Variants in STXBP4 observed in about 807,000 individuals in gnomAD.
STXBP4 encodes syntaxin-binding protein 4.
STXBP4 carries 55 observed loss-of-function variants against 76.1 expected under a neutral mutation model. The ratio of observed to expected loss-of-function variants is 0.72; its 90% confidence interval spans 0.58 to 0.91. The LOEUF is 0.91. Among genes scored for constraint, STXBP4 ranks in the 40% least tolerant of loss-of-function variants. The pLI, the probability that STXBP4 is intolerant of heterozygous loss-of-function variation, is 0.00. For synonymous variants in STXBP4, 201 were observed against 220.2 expected (o/e 0.91, Z 0.77); for missense variants, 618 against 636.9 (o/e 0.97, Z 0.32).
chr17:54,986,788 C>G (rs182536446), intron 3 of STXBP4, among the ~76,000 whole-genome samples: 1 of 152,160 alleles, frequency 6.6e-6, no homozygotes, highest in African/African-American at 2.4e-5. Context: ...TAACAAACCA[C>G]CCTAAAATCC....
At chr17:55,043,376 G>GA in intron 11 of STXBP4, 51 bp downstream of exon 11, 3 of 1,140,592 alleles carry the variant, frequency 2.6e-6, no homozygotes, top group East Asian at 2.8e-5. Flanking sequence ...AAAAGAAAAA[G>GA]AAAAAAATCC....
Position 55,073,077 on chromosome 17 carries a change from G to T in STXBP4, c.1188+1G>T, listed in dbSNP as rs749887622. On this transcript the variant is annotated splice_donor_variant, in intron 13 of 17. Coordinates refer to ENST00000376352, the MANE Select transcript of STXBP4 (RefSeq NM_178509.6). LOFTEE classifies it high-confidence loss of function. ...TGCTGATTATTCTGACCAAAATAAAGTAAGCAAAGCAGTCATCTCTTCCAG... is the reference window on the plus strand; with the variant it reads ...TGCTGATTATTCTGACCAAAATAAATTAAGCAAAGCAGTCATCTCTTCCAG... 2.5e-6 allele frequency: 4 copies of T among 1,613,108 alleles called. No individual in the cohort carries two copies. The highest frequency in any genetic ancestry group is 3.4e-6 in the Non-Finnish European group (4 of 1,179,580).
intron 17 of STXBP4, among the ~76,000 whole-genome samples, chr17:55,157,796 CA>C (rs1393615055): frequency 6.6e-6 from 1 of 152,100 alleles, no homozygotes; most frequent in Non-Finnish European, 1.5e-5. Context: ...TGGAACTTAC[CA>C]TTTGTACTAC....
chr17:55,103,542 A>G (rs1221162640), intron 16 of STXBP4, among the ~76,000 whole-genome samples: 4 of 148,950 alleles, frequency 2.7e-5, no homozygotes, highest in Admixed American at 6.7e-5. Context: ...GCCTTGTAGT[A>G]TAGTTTGAAG....
chr17:55,108,957 C>T (rs2787509), intron 16 of STXBP4, among the ~76,000 whole-genome samples: 36,910 of 152,136 alleles, frequency 0.24, 4,966 homozygotes, highest in South Asian at 0.31. Flanking sequence ...CAAAATTTGG[C>T]TTTATTTACA....
At chr17:55,144,110 A>G (rs990914511) in intron 17 of STXBP4, among the ~76,000 whole-genome samples, 1 of 152,140 alleles carries the variant, frequency 6.6e-6, no homozygotes, top group African/African-American at 2.4e-5. Context: ...CAAGAAAGAC[A>G]CTTCAAACAG....
chr17:55,200,463 TCACTCACAAA>T, the STXBP4 span, among the ~76,000 whole-genome samples: 1 of 152,258 alleles, frequency 6.6e-6, no homozygotes, highest in African/African-American at 2.4e-5. Context: ...TAGCACATTC[TCACTCACAAA>T]GCAAGTACTT....
the STXBP4 span, among the ~76,000 whole-genome samples, chr17:55,180,514 C>A: frequency 5.3e-5 from 8 of 151,438 alleles, no homozygotes; most frequent in African/African-American, 1.9e-4. Flanking sequence ...GTATTTAAGA[C>A]CTTGCTTTAA....
chr17:55,091,596 TAACAA>T (rs958236426), intron 16 of STXBP4, among the ~76,000 whole-genome samples: 1 of 151,954 alleles, frequency 6.6e-6, no homozygotes, highest in Admixed American at 6.6e-5. Flanking sequence ...GAAAAAAAAC[TAACAA>T]AACAAAACAA....
chr17:55,031,939 G>T (rs2078516378), intron 9 of STXBP4, among the ~76,000 whole-genome samples: 1 of 152,126 alleles, frequency 6.6e-6, no homozygotes, highest in African/African-American at 2.4e-5. Context: ...CTTAGTTATT[G>T]TACTATAATA....
chr17:54,972,212 T>C (rs1316219044), intron 1 of STXBP4, among the ~76,000 whole-genome samples: 2 of 152,236 alleles, frequency 1.3e-5, no homozygotes, highest in Non-Finnish European at 2.9e-5. Flanking sequence ...ATAGGCAATG[T>C]GTGTTTTGTG....
chr17:55,058,581 AGGCAGTACATGCCTGAAGGATGAATTT>A lies in STXBP4; in HGVS notation c.1011+11430_1011+11456del, dbSNP rs2078960931. On this transcript the variant is annotated intron_variant, in intron 12 of 17. Transcript: ENST00000376352. ...TTATCATAAGTTTGGACACCCTTTG[AGGCAGTACATGCCTGAAGGATGAATTT>A]GGTAGTGTCTCTTGCATGATATGGC... 3.3e-5 allele frequency among the ~76,000 whole-genome samples: 5 copies of A among 152,296 alleles called. No individual in the cohort carries two copies. In the South Asian group the frequency reaches 1.0e-3, roughly 32 times the overall value.
At chr17:55,008,434 A>C (rs1598195133) in intron 8 of STXBP4, among the ~76,000 whole-genome samples, 1 of 152,196 alleles carries the variant, frequency 6.6e-6, no homozygotes, top group South Asian at 2.1e-4. Context: ...TCTAACTCAC[A>C]TAGGGGAGAA....
chr17:55,049,572 A>G (rs1944594854), intron 12 of STXBP4, among the ~76,000 whole-genome samples: 1 of 152,028 alleles, frequency 6.6e-6, no homozygotes, highest in African/African-American at 2.4e-5. Context: ...TTAAAAAGTA[A>G]TAATGGAAAG....
At chr17:55,125,242 A>G (rs2079896505) in intron 16 of STXBP4, among the ~76,000 whole-genome samples, 1 of 152,182 alleles carries the variant, frequency 6.6e-6, no homozygotes, top group Non-Finnish European at 1.5e-5. Context: ...ATAGTGGATG[A>G]TGACTAAAGT....
At chr17:55,203,584 C>T in the STXBP4 span, among the ~76,000 whole-genome samples, 3 of 152,078 alleles carry the variant, frequency 2.0e-5, no homozygotes, top group African/African-American at 7.2e-5. Context: ...ATTCTAAATT[C>T]TCTGAAATTA....
chr17:55,122,613 T>C (rs1046773468), intron 16 of STXBP4, among the ~76,000 whole-genome samples: 2 of 152,246 alleles, frequency 1.3e-5, no homozygotes, highest in South Asian at 4.1e-4. Flanking sequence ...ATTCAGATTT[T>C]ACTCCATGCA....
chr17:55,047,025 C>T lies in STXBP4; in HGVS notation c.946-64C>T, dbSNP rs1323360113. On this transcript the variant is annotated intron_variant, in intron 11 of 17. Transcript: ENST00000376352. ...GGAATATAGGCCTTGAAACAAGGGACTAAGAAGTCACACTTGTTAATACTT... is the reference window on the plus strand; with the variant it reads ...GGAATATAGGCCTTGAAACAAGGGATTAAGAAGTCACACTTGTTAATACTT... The T allele has an allele frequency of 1.2e-5, 11 of 937,824 alleles. No individual in the cohort carries two copies. In the East Asian group the frequency reaches 2.7e-4, roughly 23 times the overall value. The allele number at this position is 937,824 out of a possible 1,614,324, so 58.1% of individuals were successfully genotyped here.
In STXBP4 at chr17:55,024,228, T is replaced by C. The variant is rs375927532; in HGVS notation, c.667-6940T>C. Reference sequence around the variant, plus strand: ...ACTTTAGAGAACAATTTGGCAAAACTGAACCTGCTCACATCGTTTAACCTC... The same window carrying C: ...ACTTTAGAGAACAATTTGGCAAAACCGAACCTGCTCACATCGTTTAACCTC... On this transcript the variant is annotated intron_variant, in intron 8 of 17. Transcript: ENST00000376352. Among the ~76,000 whole-genome samples, 222 of 152,338 alleles carry C rather than the reference T, an allele frequency of 1.5e-3. 7 individuals carry two copies. The South Asian group carries it at 0.045, about 31-fold the overall frequency.
Sources: allele counts gnomAD v4.1 joint callset (sites outside exome capture counted in the v4.1 genomes callset), GRCh38; gene constraint gnomAD v4.1.1; transcripts MANE v1.5; gene names NCBI Gene and HGNC (gene_info 2026-07-23, HGNC 2026-07-21).